Variants in GGTA1 observed in about 807,000 individuals in gnomAD.
The protein encoded by GGTA1 is glycoprotein alpha-galactosyltransferase 1 (inactive).
In GGTA1, 5 loss-of-function variants were observed where a neutral mutation model predicts 2.6. That is an observed-to-expected ratio of 1.92 (90% confidence interval 1.00 to 4.04). The LOEUF (loss-of-function observed/expected upper bound fraction) is 4.04. Ranked by LOEUF, GGTA1 falls within the 30% of genes most tolerant of loss-of-function variation. The pLI, the probability that GGTA1 is intolerant of heterozygous loss-of-function variation, is 0.00. For missense variants in GGTA1, 50 were observed against 16.7 expected (o/e 2.99, Z -3.47); for synonymous variants, 17 against 5.0 (o/e 3.38, Z -3.19).
At chr9:121,464,919 C>G (rs1388233913) in intron 2 of GGTA1, among the ~76,000 whole-genome samples, 1 of 151,366 alleles carries the variant, frequency 6.6e-6, no homozygotes, top group Non-Finnish European at 1.5e-5. Flanking sequence ...TAGCTTAGTG[C>G]TGCCTACCTG....
In GGTA1 at chr9:121,476,646, A is replaced by G. The variant is rs10818548; in HGVS notation, c.-9-8715T>C. Among the ~76,000 whole-genome samples, 44,837 of 152,120 alleles carry G rather than the reference A, an allele frequency of 0.29. 6,901 individuals are homozygous for G. The highest frequency in any genetic ancestry group is 0.39 in the Middle Eastern group (114 of 294). On this transcript the variant is annotated intron_variant, in intron 1 of 5. Coordinates refer to ENST00000481799, the MANE Select transcript of GGTA1 (RefSeq NM_001382585.1). The surrounding 1 kb of genome is among the most constrained non-coding windows in gnomAD (Gnocchi z 4.6). ...GATCAAATGATAGGATTCATCAACT[A>G]TCACTTCTCAGCCTTTTGGCTCAGA...
intron 1 of GGTA1, among the ~76,000 whole-genome samples, chr9:121,494,211 T>C (rs973730953): frequency 6.6e-6 from 1 of 152,216 alleles, no homozygotes; most frequent in Admixed American, 6.5e-5. Flanking sequence ...AAGTCTCTTG[T>C]GGATGTCTGT....
At chr9:121,448,284 A>G (rs2064861762) in intron 7 of GGTA1, among the ~76,000 whole-genome samples, 1 of 152,200 alleles carries the variant, frequency 6.6e-6, no homozygotes, top group Admixed American at 6.5e-5. Flanking sequence ...CTACTGCCAG[A>G]CCAGATACAA....
At chr9:121,460,243 C>T (rs1431942889) in intron 4 of GGTA1, 24 bp from the exon 5 acceptor site, 1 of 457,076 alleles carries the variant, frequency 2.2e-6, no homozygotes, top group South Asian at 1.5e-5. Context: ...GAAAGTAAAC[C>T]AGGTAAGGCA....
rs1828502909 is a variant in GGTA1 at position 121,476,064 on chromosome 9, G to A, written c.-9-8133C>T. The stretch of plus-strand genomic sequence containing the variant: ...ATGGTCTGTTAATGCCCCCCACACA[G>A]TACCTATAATAATGATGATGCTTTT... On this transcript the variant is annotated intron_variant, in intron 1 of 5. Transcript: ENST00000481799. This position sits in a 1 kb window ranked among gnomAD's most constrained non-coding sequence, Gnocchi z 4.6. 6.6e-6 allele frequency among the ~76,000 whole-genome samples: 1 copy of A among 152,144 alleles called. No individual in the cohort carries two copies.
chr9:121,467,715 G>A (rs759537604), intron 2 of GGTA1, 128 bp downstream of exon 2: 5 of 356,860 alleles, frequency 1.4e-5, no homozygotes, highest in Non-Finnish European at 2.8e-5. Context: ...TTCAGGAAGG[G>A]TGGAATCCCT....
chr9:121,481,680 C>CAA (rs34813039), intron 1 of GGTA1, among the ~76,000 whole-genome samples: 32 of 64,204 alleles, frequency 5.0e-4, no homozygotes, highest in African/African-American at 1.5e-3. Flanking sequence ...GACTCTGTCT[C>CAA]AAAAAAAAAA....
At position 121,455,045 on chromosome 9, in the gene GGTA1, T is replaced by G. The variant is rs775086173; in HGVS notation, c.*792A>C. ...AAATAAATAAACAAACAATATAAAATAAAAAGTAATCATTTTTATTTGCAT... is the reference window on the plus strand; with the variant it reads ...AAATAAATAAACAAACAATATAAAAGAAAAAGTAATCATTTTTATTTGCAT... On this transcript the variant is annotated 3_prime_UTR_variant, in exon 6 of 6. Transcript: ENST00000481799. The G allele has an allele frequency of 6.6e-6, 1 of 152,194 alleles. No individual in the cohort carries two copies. The highest frequency in any genetic ancestry group is 1.5e-5 in the Non-Finnish European group (1 of 68,030). 9.4% of individuals were successfully genotyped at this position (152,194 alleles called of 1,614,324 possible). A position where few individuals can be genotyped will look rare whatever the true frequency, so the allele number is the denominator to read the frequency against.
intron 1 of GGTA1, among the ~76,000 whole-genome samples, chr9:121,496,620 TACTCAGGAG>T (rs1828997271): frequency 1.5e-5 from 2 of 135,908 alleles, no homozygotes; most frequent in African/African-American, 2.6e-5. Context: ...TAATCCCAGC[TACTCAGGAG>T]GCTGAGGCAG....
intron 1 of GGTA1, among the ~76,000 whole-genome samples, chr9:121,492,455 T>A (rs1367393490): frequency 6.6e-6 from 1 of 151,870 alleles, no homozygotes; most frequent in African/African-American, 2.4e-5. Flanking sequence ...CGAGTTCAGG[T>A]ATTTTATTTT....
intron 1 of GGTA1, among the ~76,000 whole-genome samples, chr9:121,487,408 T>G (rs1329492118): frequency 6.6e-6 from 1 of 151,702 alleles, no homozygotes; most frequent in African/African-American, 2.4e-5. Flanking sequence ...AAACCTTGTC[T>G]TTACTAAAAA....
At position 121,476,292 on chromosome 9, in the gene GGTA1, T is replaced by G. The variant is rs974257384; in HGVS notation, c.-9-8361A>C. On this transcript the variant is annotated intron_variant, in intron 1 of 5. Transcript: ENST00000481799. This position sits in a 1 kb window ranked among gnomAD's most constrained non-coding sequence, Gnocchi z 4.6. ...CGGCTCTGACCAGACCAGCTGCACC[T>G]CCATTTGCACCCCACCCCACCTCCT... is the stretch of plus-strand genomic sequence containing the variant. Among the ~76,000 whole-genome samples, 2 of 152,048 alleles carry G rather than the reference T, an allele frequency of 1.3e-5. No homozygotes were observed. The highest frequency in any genetic ancestry group is 2.9e-5 in the Non-Finnish European group (2 of 67,984).
In GGTA1 at chr9:121,455,842, C is replaced by G. The variant is rs2064907102; in HGVS notation, c.299-1G>C. The G allele has an allele frequency of 2.2e-6, 1 of 453,978 alleles. No individual in the cohort carries two copies. Among genetic ancestry groups the G allele is most frequent in the Non-Finnish European group, 4.4e-6 (1 of 226,202 alleles). The allele number at this position is 453,978 out of a possible 1,614,324, so 28.1% of individuals were successfully genotyped here. A position where few individuals can be genotyped will look rare whatever the true frequency, so the allele number is the denominator to read the frequency against. ...GTTTAGTTATTCGGATTCCTTCAAG[C>G]TGGAAGAAAAAACAGCAACATTAAA... On this transcript the variant is annotated splice_acceptor_variant, in intron 5 of 5. Coordinates refer to ENST00000481799, the MANE Select transcript of GGTA1 (RefSeq NM_001382585.1). LOFTEE classifies it high-confidence loss of function.
chr9:121,497,567 C>T (rs1485319652), intron 1 of GGTA1, among the ~76,000 whole-genome samples: 3 of 152,022 alleles, frequency 2.0e-5, no homozygotes, highest in African/African-American at 4.8e-5. Flanking sequence ...CTGCTCAGCC[C>T]ACAGCCCCTC....
At chr9:121,488,094 T>C (rs1828798028) in intron 1 of GGTA1, among the ~76,000 whole-genome samples, 1 of 142,740 alleles carries the variant, frequency 7.0e-6, no homozygotes. Context: ...AGGCAGGTTG[T>C]GGATGTGTGT....
chr9:121,484,147 G>T (rs1239655027), intron 1 of GGTA1, among the ~76,000 whole-genome samples: 4 of 152,078 alleles, frequency 2.6e-5, no homozygotes, highest in African/African-American at 9.7e-5. Context: ...TCACCACTAT[G>T]CAGTATATCC....
At chr9:121,499,284 C>A (rs1054427390) in intron 1 of GGTA1, among the ~76,000 whole-genome samples, 4 of 152,102 alleles carry the variant, frequency 2.6e-5, no homozygotes, top group African/African-American at 9.6e-5. Context: ...CAAGGACAGA[C>A]CCCTCACTCA....
intron 1 of GGTA1, among the ~76,000 whole-genome samples, chr9:121,482,168 T>G (rs1828667577): frequency 1.3e-5 from 2 of 148,480 alleles, no homozygotes; most frequent in South Asian, 4.3e-4. Context: ...CAATCTGTTG[T>G]GCTAAAACAA....
At chr9:121,495,855 C>T (rs893482626) in intron 1 of GGTA1, among the ~76,000 whole-genome samples, 2 of 152,240 alleles carry the variant, frequency 1.3e-5, no homozygotes, top group African/African-American at 4.8e-5. Flanking sequence ...CTAGCTTGGA[C>T]TTGTTGAGTT....
Sources: gnomAD v4.1 joint callset for allele counts (sites outside exome capture counted in the v4.1 genomes callset) on GRCh38, gnomAD v4.1.1 for gene constraint, Gnocchi (gnomAD v3.1) non-coding constraint, MANE v1.5 for transcripts, NCBI Gene and HGNC (gene_info 2026-07-23, HGNC 2026-07-21) for gene names.